MUSK: variants seen among roughly 807,000 people sequenced by gnomAD.
MUSK encodes the protein muscle, skeletal receptor tyrosine-protein kinase.
A neutral mutation model predicts 88.7 loss-of-function variants in MUSK; 55 were observed. The observed-to-expected ratio is 0.62, with a 90% confidence interval of 0.50 to 0.78. MUSK has a LOEUF of 0.78. Among genes scored for constraint, MUSK ranks in the 30% least tolerant of loss-of-function variants. MUSK has a pLI of 0.00. For synonymous variants in MUSK, 387 were observed against 391.9 expected, an observed-to-expected ratio of 0.99 and a Z score of 0.15; for missense variants, 1,015 against 1,074.3, an observed-to-expected ratio of 0.94 and a Z score of 0.77.
intron 5 of MUSK, among the ~76,000 whole-genome samples, chr9:110,711,372 G>A (rs2076669180): frequency 6.6e-6 from 1 of 152,168 alleles, no homozygotes; most frequent in Non-Finnish European, 1.5e-5. Context: ...GTGAACTAAG[G>A]TTGACTTGAT....
rs538655454 is a variant in MUSK, at chr9:110,775,853, C to A, written c.1250C>A (p.Thr417Asn). ...GAATGGCTGGTAATGGAAGAGAAGACCCACAGAGGACTCTACAGATCCGAG... is the reference window on the plus strand; with the variant it reads ...GAATGGCTGGTAATGGAAGAGAAGAACCACAGAGGACTCTACAGATCCGAG... ...AKEWLVMEEK[T>N]HRGLYRSEMH... The change falls in exon 10 of 15, where the codon ACC (threonine) becomes AAC (asparagine). Residue 417 changes from threonine to asparagine, a missense_variant. Transcript: ENST00000374448. The A allele has an allele frequency of 6.2e-7, 1 of 1,613,830 alleles. No individual in the cohort carries two copies. The highest frequency in any genetic ancestry group is 1.7e-5 in the Admixed American group (1 of 60,018).
rs1224401679 is a variant in MUSK, at chr9:110,754,663, C to A, written c.913+6863C>A. The stretch of plus-strand genomic sequence containing the variant: ...TTGGCCCCCTTGCTTTTCAATAGAT[C>A]TTCCTGCTCAGCTGCTATTAGAATC... On this transcript the variant is annotated intron_variant, in intron 7 of 14. Coordinates refer to ENST00000374448, the MANE Select transcript of MUSK (RefSeq NM_005592.4). Among the ~76,000 whole-genome samples the A allele has an allele frequency of 2.6e-5, 4 of 152,372 alleles. No homozygotes were observed. The East Asian group carries it at 5.8e-4, about 22-fold the overall frequency.
chr9:110,787,025 A>G (rs1172222263), intron 13 of MUSK, among the ~76,000 whole-genome samples: 1 of 152,214 alleles, frequency 6.6e-6, no homozygotes, highest in African/African-American at 2.4e-5. Context: ...TGAGTAAGCC[A>G]TAGTTCCTAC....
intron 3 of MUSK, among the ~76,000 whole-genome samples, chr9:110,692,913 T>A (rs2076377312): frequency 6.6e-6 from 1 of 152,128 alleles, no homozygotes; most frequent in South Asian, 2.1e-4. Context: ...TTTTCTCAAA[T>A]TGATCTTTTA....
intron 7 of MUSK, 90 bp from the exon 8 acceptor site, chr9:110,762,112 T>G: frequency 8.5e-7 from 1 of 1,179,640 alleles, no homozygotes; most frequent in African/African-American, 1.6e-5. Flanking sequence ...CAAAACAATC[T>G]CAGCCAAAGC....
At position 110,803,524 on chromosome 9, in the gene MUSK, T is replaced by C. The variant is rs549781131; in HGVS notation, c.*2536T>C. Among the ~76,000 whole-genome samples, 7 of 152,312 alleles carry C rather than the reference T, an allele frequency of 4.6e-5. No homozygotes were observed. The South Asian group carries it at 6.2e-4, about 14-fold the overall frequency. On this transcript the variant is annotated 3_prime_UTR_variant, in exon 15 of 15. Transcript: ENST00000374448. The stretch of plus-strand genomic sequence containing the variant: ...GAGCCTCTGTACATGATAGAAGCAA[T>C]AACTGAACCTCAGTAACTCTGTGGA...
At chr9:110,797,162 CAAA>C (rs34924295) in intron 14 of MUSK, among the ~76,000 whole-genome samples, 303 of 16,794 alleles carry the variant, frequency 0.018, 1 homozygote, top group South Asian at 0.038. Context: ...CATGAATACC[CAAA>C]AAAAAAAAAA....
At chr9:110,783,860 C>T (rs1486112163) in intron 11 of MUSK, among the ~76,000 whole-genome samples, 2 of 151,912 alleles carry the variant, frequency 1.3e-5, no homozygotes, top group Non-Finnish European at 2.9e-5. Flanking sequence ...AAATAAAATA[C>T]ACACTATTAA....
chr9:110,684,258 T>C (rs1311353354), intron 2 of MUSK, among the ~76,000 whole-genome samples: 1 of 152,118 alleles, frequency 6.6e-6, no homozygotes, highest in Non-Finnish European at 1.5e-5. Context: ...CAGTGTATGT[T>C]CTTGGTACCT....
chr9:110,784,106 A>G (rs2077811558), intron 11 of MUSK, among the ~76,000 whole-genome samples: 3 of 152,134 alleles, frequency 2.0e-5, no homozygotes, highest in Admixed American at 2.0e-4. Flanking sequence ...ATTCTTAGCT[A>G]TTAAAACATT....
At chr9:110,712,412 T>C (rs2076683745) in intron 5 of MUSK, among the ~76,000 whole-genome samples, 1 of 152,150 alleles carries the variant, frequency 6.6e-6, no homozygotes, top group South Asian at 2.1e-4. Context: ...TCAATATACC[T>C]TCCTTAAGAT....
In MUSK at chr9:110,775,796, G is replaced by C; in HGVS notation, c.1193G>C (p.Cys398Ser). ...TCCATATACTATTTTAGAGAGTACTGCTTGGCAGTAAAGGAGCTCTTCTGC... is the reference window on the plus strand; with the variant it reads ...TCCATATACTATTTTAGAGAGTACTCCTTGGCAGTAAAGGAGCTCTTCTGC... ...PTPIPICREY[C>S]LAVKELFCAK... The change falls in exon 10 of 15, where the codon TGC (cysteine) becomes TCC (serine). Residue 398 changes from cysteine to serine, a missense_variant. Physicochemically the swap from Cys to Ser is moderately radical, Grantham distance 112. Coordinates refer to ENST00000374448, the MANE Select transcript of MUSK (RefSeq NM_005592.4). The C allele has an allele frequency of 6.2e-7, 1 of 1,613,724 alleles. No homozygotes were observed. Among genetic ancestry groups the C allele is most frequent in the Non-Finnish European group, 8.5e-7 (1 of 1,179,734 alleles).
chr9:110,767,830 A>T lies in MUSK; in HGVS notation c.931A>T (p.Lys311Ter). Residue 311 changes from lysine to a stop codon, truncating the protein, a stop_gained, in exon 9 of 15, where the codon AAA (lysine) becomes TAA (stop). Coordinates refer to ENST00000374448, the MANE Select transcript of MUSK (RefSeq NM_005592.4). LOFTEE classifies it high-confidence loss of function. ...CATTTCTTCTTTCAGTAAACCACAGAAAGATAACAAAGGCTACTGCGCCCA... is the reference window on the plus strand; with the variant it reads ...CATTTCTTCTTTCAGTAAACCACAGTAAGATAACAAAGGCTACTGCGCCCA... ...ISIAEWSKPQ[K>*]DNKGYCAQYR... The T allele has an allele frequency of 6.2e-7, 1 of 1,614,004 alleles. No individual in the cohort carries two copies. Among genetic ancestry groups the T allele is most frequent in the Non-Finnish European group, 8.5e-7 (1 of 1,179,890 alleles).
At chr9:110,786,443 T>C (rs1431694747) in intron 13 of MUSK, among the ~76,000 whole-genome samples, 1 of 152,130 alleles carries the variant, frequency 6.6e-6, no homozygotes, top group African/African-American at 2.4e-5. Context: ...GGAGATAATA[T>C]ATTTTACTGC....
At chr9:110,788,709 A>AC (rs914652081) in intron 14 of MUSK, among the ~76,000 whole-genome samples, 6 of 151,772 alleles carry the variant, frequency 4.0e-5, no homozygotes, top group Non-Finnish European at 8.8e-5. Flanking sequence ...ATAATAAAAA[A>AC]AAAACAAAAA....
chr9:110,752,939 T>C (rs531605722), intron 7 of MUSK, among the ~76,000 whole-genome samples: 6 of 152,162 alleles, frequency 3.9e-5, no homozygotes, highest in Non-Finnish European at 7.3e-5. Context: ...GGAAGTTGCA[T>C]TTCCCCTCCA....
chr9:110,755,254 A>C (rs2077296086), intron 7 of MUSK, among the ~76,000 whole-genome samples: 1 of 152,174 alleles, frequency 6.6e-6, no homozygotes, highest in Non-Finnish European at 1.5e-5. Flanking sequence ...TCTGTCCCTA[A>C]GCAAAGTGAC....
intron 14 of MUSK, 198 bp downstream of exon 14, chr9:110,788,036 T>C (rs2077905256): frequency 5.1e-6 from 3 of 592,068 alleles, no homozygotes; most frequent in Non-Finnish European, 9.1e-6. Flanking sequence ...CTCTTTAAAT[T>C]CATCACTTCA....
chr9:110,713,135 A>G (rs1377312489), intron 5 of MUSK, among the ~76,000 whole-genome samples: 1 of 152,168 alleles, frequency 6.6e-6, no homozygotes, highest in African/African-American at 2.4e-5. Flanking sequence ...ACCAGGGAGT[A>G]AAAGAAGGAT....
Sources: allele counts gnomAD v4.1 joint callset (sites outside exome capture counted in the v4.1 genomes callset), GRCh38; gene constraint gnomAD v4.1.1; transcripts MANE v1.5; gene names NCBI Gene and HGNC (gene_info 2026-07-23, HGNC 2026-07-21).